The following ZNF704 variants were observed in gnomAD, a reference collection of about 807,000 sequenced individuals.
The protein encoded by ZNF704 is zinc finger protein 704.
ZNF704 carries 10 observed loss-of-function variants against 44.7 expected under a neutral mutation model. The ratio of observed to expected loss-of-function variants is 0.22; its 90% CI spans 0.14 to 0.38. The LOEUF (loss-of-function observed/expected upper bound fraction) is 0.38. Ranked by LOEUF, ZNF704 falls within the 10% of genes least tolerant of loss-of-function variation. The pLI is 1.00. For synonymous variants in ZNF704, 211 were observed against 207.6 expected, an observed-to-expected ratio of 1.02 and a Z score of -0.14; for missense variants, 390 against 545.5, an observed-to-expected ratio of 0.71 and a Z score of 2.84.
At chr8:80,786,643 C>T (rs1380980871) in intron 2 of ZNF704, among the ~76,000 whole-genome samples, 3 of 152,102 alleles carry the variant, frequency 2.0e-5, no homozygotes, top group African/African-American at 7.2e-5. Flanking sequence ...CAAATCAAAA[C>T]TTTATCATAA....
intron 1 of ZNF704, among the ~76,000 whole-genome samples, chr8:80,836,843 T>C (rs1808591661): frequency 6.6e-6 from 1 of 152,174 alleles, no homozygotes; most frequent in Non-Finnish European, 1.5e-5. Context: ...TATAGTTCTA[T>C]CATTCTGCAG....
intron 1 of ZNF704, among the ~76,000 whole-genome samples, chr8:80,838,494 G>A (rs773488693): frequency 6.6e-6 from 1 of 152,056 alleles, no homozygotes; most frequent in Non-Finnish European, 1.5e-5. Flanking sequence ...CACAGACTGA[G>A]GCAGTGAGGG....
chr8:80,740,441 C>A (rs1424358438), intron 2 of ZNF704, among the ~76,000 whole-genome samples: 13 of 152,126 alleles, frequency 8.5e-5, no homozygotes. Flanking sequence ...AGACCCAAGG[C>A]CCAACAAGGA....
chr8:80,703,893 TCTC>T (rs1463244684), intron 2 of ZNF704, among the ~76,000 whole-genome samples: 2 of 152,218 alleles, frequency 1.3e-5, no homozygotes, highest in African/African-American at 2.4e-5. Flanking sequence ...CTTCTGCAGT[TCTC>T]CTCTGCTCAC....
intron 4 of ZNF704, among the ~76,000 whole-genome samples, chr8:80,682,332 G>A (rs374675518): frequency 6.6e-6 from 1 of 152,208 alleles, no homozygotes; most frequent in Non-Finnish European, 1.5e-5. Flanking sequence ...TTAACTCAGT[G>A]CTTTCTTCTC....
intron 1 of ZNF704, among the ~76,000 whole-genome samples, chr8:80,865,242 A>G (rs971296188): frequency 6.6e-6 from 1 of 152,240 alleles, no homozygotes; most frequent in Non-Finnish European, 1.5e-5. Flanking sequence ...TCTCTGGGCC[A>G]TATTAAAAAA....
intron 2 of ZNF704, among the ~76,000 whole-genome samples, chr8:80,761,305 T>A (rs1207167386): frequency 6.6e-6 from 1 of 152,234 alleles, no homozygotes; most frequent in Non-Finnish European, 1.5e-5. Flanking sequence ...TCAGCTATTT[T>A]GTTATAGAGC....
chr8:80,852,225 G>A (rs1274552535), intron 1 of ZNF704, among the ~76,000 whole-genome samples: 3 of 152,118 alleles, frequency 2.0e-5, no homozygotes, highest in Non-Finnish European at 4.4e-5. Context: ...ATGCAATACT[G>A]GGCTTTCCTG....
intron 2 of ZNF704, among the ~76,000 whole-genome samples, chr8:80,797,661 C>T (rs1322818599): frequency 6.6e-6 from 1 of 152,064 alleles, no homozygotes; most frequent in Non-Finnish European, 1.5e-5. Flanking sequence ...CGGAGGGTTT[C>T]CTGGATTTGT....
intron 7 of ZNF704, among the ~76,000 whole-genome samples, chr8:80,646,759 G>C (rs1014742875): frequency 6.6e-6 from 1 of 152,164 alleles, no homozygotes; most frequent in Non-Finnish European, 1.5e-5. Flanking sequence ...ACTAGAGGGA[G>C]TGAATACCTG....
chr8:80,793,870 T>C (rs1352550893), intron 2 of ZNF704, among the ~76,000 whole-genome samples: 1 of 152,198 alleles, frequency 6.6e-6, no homozygotes, highest in Admixed American at 6.5e-5. Flanking sequence ...CAACTGCTTA[T>C]CTAAGACAAT....
chr8:80,857,789 T>C lies in ZNF704; in HGVS notation c.-22+16782A>G, dbSNP rs574154033. ...TTTGTAAAGATTTTTGTAAGATTGG[T>C]ATTATATCTTCCTTAAGTATTTTAT... is the stretch of plus-strand genomic sequence containing the variant. On this transcript the variant is annotated intron_variant, in intron 1 of 8. Coordinates refer to ENST00000327835, the MANE Select transcript of ZNF704 (RefSeq NM_001033723.3). 1.1e-4 allele frequency among the ~76,000 whole-genome samples: 17 copies of C among 152,324 alleles called. 1 individual carries two copies. In the Middle Eastern group the frequency reaches 0.02, roughly 183 times the overall value.
At chr8:80,796,147 G>C (rs1283111976) in intron 2 of ZNF704, among the ~76,000 whole-genome samples, 1 of 152,120 alleles carries the variant, frequency 6.6e-6, no homozygotes, top group Non-Finnish European at 1.5e-5. Context: ...TTTTTCAAAA[G>C]GGGTTTATTT....
intron 2 of ZNF704, among the ~76,000 whole-genome samples, chr8:80,712,497 G>A (rs534035077): frequency 2.0e-5 from 3 of 152,182 alleles, no homozygotes; most frequent in East Asian, 3.9e-4. Flanking sequence ...GGAAATGAAT[G>A]GGCACATCTC....
chr8:80,657,801 T>C (rs1818040127), intron 7 of ZNF704, among the ~76,000 whole-genome samples: 1 of 152,136 alleles, frequency 6.6e-6, no homozygotes, highest in South Asian at 2.1e-4. Context: ...ATATCGTATA[T>C]ATGGTATGTT....
intron 2 of ZNF704, among the ~76,000 whole-genome samples, chr8:80,807,680 T>C (rs1174085813): frequency 1.3e-5 from 2 of 152,046 alleles, no homozygotes; most frequent in African/African-American, 4.8e-5. Context: ...TAAATGTATA[T>C]ATTTATATTC....
rs1356451280 is a variant in ZNF704, at chr8:80,630,962, C to G, written c.*10404G>C. On this transcript the variant is annotated 3_prime_UTR_variant, in exon 9 of 9. Coordinates refer to ENST00000327835, the MANE Select transcript of ZNF704 (RefSeq NM_001033723.3). Reference sequence around the variant, plus strand: ...ATTTTCAGTTATCGAAGTCATGGGACTAGTATGTTTTGGAGATTTTTTAGT... The same window carrying G: ...ATTTTCAGTTATCGAAGTCATGGGAGTAGTATGTTTTGGAGATTTTTTAGT... The G allele has an allele frequency of 1.3e-5, 2 of 151,922 alleles. No homozygotes were observed. The highest frequency in any genetic ancestry group is 2.9e-5 in the Non-Finnish European group (2 of 67,998). The allele number at this position is 151,922 out of a possible 1,614,324, so 9.4% of individuals were successfully genotyped here. A position where few individuals can be genotyped will look rare whatever the true frequency, so the allele number is the denominator to read the frequency against.
At chr8:80,649,628 C>T (rs1159245119) in intron 7 of ZNF704, among the ~76,000 whole-genome samples, 7 of 152,204 alleles carry the variant, frequency 4.6e-5, no homozygotes, top group Non-Finnish European at 8.8e-5. Context: ...GGGCACCCGC[C>T]ATTGCCGAGG....
At position 80,676,962 on chromosome 8, in the gene ZNF704, C is replaced by T. The variant is rs1452145610; in HGVS notation, c.559-6359G>A. Among the ~76,000 whole-genome samples the T allele has an allele frequency of 2.6e-5, 4 of 152,150 alleles. No homozygotes were observed. The South Asian group carries it at 6.2e-4, about 24-fold the overall frequency. On this transcript the variant is annotated intron_variant, in intron 4 of 8. Transcript: ENST00000327835. ...GGCTGTGTGCGGACTGATAACCAGC[C>T]CGAGGCCCGGGAGTTGGGGACCCCC...
Sources: allele counts gnomAD v4.1 joint callset (sites outside exome capture counted in the v4.1 genomes callset), GRCh38; gene constraint gnomAD v4.1.1; transcripts MANE v1.5; gene names NCBI Gene and HGNC (gene_info 2026-07-23, HGNC 2026-07-21).